PTPRD: variants seen among roughly 807,000 people sequenced by gnomAD.
PTPRD encodes the protein receptor-type tyrosine-protein phosphatase delta.
In PTPRD, 34 loss-of-function variants were observed where a neutral mutation model predicts 214.5. The ratio of observed to expected loss-of-function variants is 0.16; its 90% CI spans 0.12 to 0.21. The LOEUF (loss-of-function observed/expected upper bound fraction) is 0.21. Among genes scored for constraint, PTPRD ranks in the 10% least tolerant of loss-of-function variants. The pLI, the probability that PTPRD is intolerant of heterozygous loss-of-function variation, is 1.00. For synonymous variants in PTPRD, 1,128 were observed against 845.7 expected, an observed-to-expected ratio of 1.33 and a Z score of -5.79; for missense variants, 2,545 against 2,398.7, an observed-to-expected ratio of 1.06 and a Z score of -1.27.
chr9:9,973,717 T>G (rs574511149), intron 4 of PTPRD, among the ~76,000 whole-genome samples: 1 of 152,274 alleles, frequency 6.6e-6, no homozygotes, highest in East Asian at 1.9e-4. Context: ...AGCAAGTACT[T>G]TGAGCTAAGA....
At chr9:10,023,461 G>C (rs1589129114) in intron 4 of PTPRD, among the ~76,000 whole-genome samples, 1 of 152,120 alleles carries the variant, frequency 6.6e-6, no homozygotes, top group East Asian at 1.9e-4. Flanking sequence ...ACGTACTTGA[G>C]AAAGTAAAGT....
intron 2 of PTPRD, among the ~76,000 whole-genome samples, chr9:10,403,227 A>ATATATATATATATAT (rs2098301499): frequency 1.7e-5 from 1 of 59,882 alleles, no homozygotes; most frequent in Non-Finnish European, 3.5e-5. Flanking sequence ...TGTGTGTGTA[A>ATATATATATATATAT]ATATATATAT....
At position 10,532,195 on chromosome 9, in the gene PTPRD, G is replaced by A. The variant is rs566606359; in HGVS notation, c.-600+80203C>T. 13 of 152,202 alleles carry A rather than the reference G, an allele frequency of 8.5e-5. No individual in the cohort carries two copies. In the East Asian group the frequency reaches 2.3e-3, roughly 27 times the overall value. 9.4% of individuals were successfully genotyped at this position (152,202 alleles called of 1,614,324 possible). ...TTGCATCCAACTATGATAAATTTAT[G>A]TATGTCACGACAGTGGGGACGCTGT... On this transcript the variant is annotated intron_variant, in intron 2 of 45. Coordinates refer to ENST00000381196, the MANE Select transcript of PTPRD (RefSeq NM_002839.4).
At chr9:9,693,435 A>G (rs1472267169) in intron 7 of PTPRD, among the ~76,000 whole-genome samples, 1 of 152,086 alleles carries the variant, frequency 6.6e-6, no homozygotes, top group Non-Finnish European at 1.5e-5. Context: ...TTCTTCCACC[A>G]TAATTGTAAG....
chr9:8,951,738 C>G (rs953601524), intron 11 of PTPRD, among the ~76,000 whole-genome samples: 3 of 151,944 alleles, frequency 2.0e-5, no homozygotes, highest in Non-Finnish European at 4.4e-5. Flanking sequence ...TCTAACTTCC[C>G]AACACTATCA....
chr9:9,263,534 T>C (rs752442180), intron 9 of PTPRD, among the ~76,000 whole-genome samples: 7 of 151,698 alleles, frequency 4.6e-5, no homozygotes, highest in Non-Finnish European at 8.9e-5. Context: ...TGATGTAACT[T>C]CATGAAAGCA....
chr9:9,885,926 T>G (rs968774942), intron 5 of PTPRD, among the ~76,000 whole-genome samples: 12 of 151,304 alleles, frequency 7.9e-5, no homozygotes, highest in African/African-American at 2.2e-4. Flanking sequence ...GATCTGTGAG[T>G]GTAGATTTTG....
intron 10 of PTPRD, among the ~76,000 whole-genome samples, chr9:9,123,919 G>C (rs537538989): frequency 6.6e-6 from 1 of 151,706 alleles, no homozygotes; most frequent in African/African-American, 2.4e-5. Context: ...AGGAGACAAA[G>C]AGAATATCTA....
chr9:10,511,357 G>T (rs189748040), intron 2 of PTPRD, among the ~76,000 whole-genome samples: 2 of 152,082 alleles, frequency 1.3e-5, no homozygotes, highest in African/African-American at 4.8e-5. Flanking sequence ...GTCTTCCAAA[G>T]CGGTTGTACC....
chr9:10,574,887 T>G (rs543128721), intron 2 of PTPRD, among the ~76,000 whole-genome samples: 1 of 151,230 alleles, frequency 6.6e-6, no homozygotes, highest in Admixed American at 6.6e-5. Flanking sequence ...AGAAATTGCC[T>G]TTTCCCATTT....
At chr9:8,345,298 C>A (rs1396707468) in intron 39 of PTPRD, among the ~76,000 whole-genome samples, 1 of 152,012 alleles carries the variant, frequency 6.6e-6, no homozygotes, top group Non-Finnish European at 1.5e-5. Flanking sequence ...TACAGTCATG[C>A]ACGCCATACC....
intron 35 of PTPRD, among the ~76,000 whole-genome samples, chr9:8,414,925 GA>G (rs1164755969): frequency 1.3e-5 from 1 of 75,958 alleles, no homozygotes; most frequent in Non-Finnish European, 2.6e-5. Context: ...GAGAGAGAGG[GA>G]GGGGGAGAGA....
chr9:9,616,029 C>T (rs955296986), intron 7 of PTPRD, among the ~76,000 whole-genome samples: 3 of 152,062 alleles, frequency 2.0e-5, no homozygotes, highest in Non-Finnish European at 2.9e-5. Flanking sequence ...GAAATCAAAA[C>T]GTTTCTAGAA....
At chr9:10,208,496 A>G (rs1295238869) in intron 3 of PTPRD, among the ~76,000 whole-genome samples, 1 of 152,200 alleles carries the variant, frequency 6.6e-6, no homozygotes, top group Non-Finnish European at 1.5e-5. Context: ...CCTGGGCGAC[A>G]GAGCGAGACT....
chr9:10,590,502 T>C (rs2075158003), intron 2 of PTPRD, among the ~76,000 whole-genome samples: 2 of 152,030 alleles, frequency 1.3e-5, no homozygotes, highest in South Asian at 4.1e-4. Context: ...CAACTACTGA[T>C]CTCATTTCTA....
At chr9:9,409,740 G>A (rs1474690343) in intron 8 of PTPRD, among the ~76,000 whole-genome samples, 1 of 152,064 alleles carries the variant, frequency 6.6e-6, no homozygotes, top group African/African-American at 2.4e-5. Flanking sequence ...TCAAATCCCA[G>A]TAGAGTACCA....
At chr9:10,386,784 T>C (rs1365484375) in intron 2 of PTPRD, among the ~76,000 whole-genome samples, 2 of 151,786 alleles carry the variant, frequency 1.3e-5, no homozygotes, top group East Asian at 1.9e-4. Flanking sequence ...TCCCCAAAAA[T>C]AGCCACACCC....
At chr9:8,387,821 T>TA (rs1350024669) in intron 37 of PTPRD, among the ~76,000 whole-genome samples, 1 of 152,172 alleles carries the variant, frequency 6.6e-6, no homozygotes, top group Non-Finnish European at 1.5e-5. Context: ...CCTAATATGT[T>TA]AGACATTATT....
chr9:10,416,214 C>T (rs1474779405), intron 2 of PTPRD, among the ~76,000 whole-genome samples: 1 of 151,398 alleles, frequency 6.6e-6, no homozygotes, highest in Non-Finnish European at 1.5e-5. Context: ...AAAAATTAGC[C>T]AGGCATGGTG....
Sources: gnomAD v4.1 joint callset for allele counts (sites outside exome capture counted in the v4.1 genomes callset) on GRCh38, gnomAD v4.1.1 for gene constraint, MANE v1.5 for transcripts, NCBI Gene and HGNC (gene_info 2026-07-23, HGNC 2026-07-21) for gene names.